Variants in LRRC7 observed in about 807,000 individuals in gnomAD.
LRRC7 encodes the protein leucine-rich repeat-containing protein 7.
Under a neutral mutation model 175.7 loss-of-function variants are expected in LRRC7, and 23 were observed. The observed-to-expected ratio is 0.13, with a 90% CI of 0.09 to 0.19. The LOEUF is 0.19. Among genes scored for constraint, LRRC7 ranks in the 10% least tolerant of loss-of-function variants. The probability of loss-of-function intolerance (pLI) is 1.00; values close to 1 mark genes in which losing one functional copy is unlikely to be tolerated. For synonymous variants in LRRC7, 685 were observed against 680.9 expected, an observed-to-expected ratio of 1.01 and a Z score of -0.09; for missense variants, 1,354 against 1,904.7, an observed-to-expected ratio of 0.71 and a Z score of 5.38.
In LRRC7 at chr1:70,050,476, GTGA is replaced by G. The variant is rs1249588572; in HGVS notation, c.4111-2545_4111-2543del. Among the ~76,000 whole-genome samples the G allele has an allele frequency of 7.2e-5, 11 of 152,118 alleles. No homozygotes were observed. In the East Asian group the frequency reaches 1.9e-3, roughly 27 times the overall value. ...TTAGAAGCTAAGGAAATAGTGCATT[GTGA>G]TGATTTTCTGTGTTATTATATTTAG... On this transcript the variant is annotated intron_variant, in intron 22 of 26. Coordinates refer to ENST00000651989, the MANE Select transcript of LRRC7 (RefSeq NM_001370785.2).
rs1571137042 is a variant in LRRC7 at position 70,039,499 on chromosome 1, A to G, written c.3675A>G (p.Gly1225=). Residue 1225 remains glycine, a synonymous_variant, in exon 21 of 27, where the codon GGA becomes GGG. Transcript: ENST00000651989. ...ATCAAGAAGTGAAAGCTCAGGCGGGAAGTTTTCCGGTTAAAAACCTTACCC... is the reference window on the plus strand; with the variant it reads ...ATCAAGAAGTGAAAGCTCAGGCGGGGAGTTTTCCGGTTAAAAACCTTACCC... ...PSYQEVKAQA[G]SFPVKNLTQR... is the part of the protein sequence containing the mutation. The G allele has an allele frequency of 6.2e-7, 1 of 1,614,150 alleles. No homozygotes were observed. Among genetic ancestry groups the G allele is most frequent in the African/African-American group, 1.3e-5 (1 of 75,040 alleles).
intron 2 of LRRC7, among the ~76,000 whole-genome samples, chr1:69,710,278 CAA>C (rs77553066): frequency 6.9e-5 from 6 of 87,208 alleles, no homozygotes; most frequent in African/African-American, 2.7e-4. Flanking sequence ...GACTCCGTCT[CAA>C]AAAAAAAAAA....
intron 3 of LRRC7, among the ~76,000 whole-genome samples, chr1:69,773,777 C>T (rs556402462): frequency 9.2e-5 from 14 of 152,282 alleles, no homozygotes; most frequent in Non-Finnish European, 1.8e-4. Context: ...CAAAACAACC[C>T]TGCCCAATAG....
At chr1:69,942,177 C>A (rs1648790450) in intron 8 of LRRC7, among the ~76,000 whole-genome samples, 1 of 152,022 alleles carries the variant, frequency 6.6e-6, no homozygotes, top group Non-Finnish European at 1.5e-5. Flanking sequence ...AAATGGCTAG[C>A]TAGCACAAGT....
intron 1 of LRRC7, among the ~76,000 whole-genome samples, chr1:69,627,312 C>T: frequency 6.6e-6 from 1 of 152,218 alleles, no homozygotes; most frequent in East Asian, 1.9e-4. Flanking sequence ...ATTTGCATTT[C>T]TCTGATGGCC....
At chr1:69,752,238 C>T (rs1161416854) in intron 2 of LRRC7, among the ~76,000 whole-genome samples, 1 of 152,122 alleles carries the variant, frequency 6.6e-6, no homozygotes, top group Non-Finnish European at 1.5e-5. Context: ...TGGCAGATTT[C>T]CATATCCCTG....
chr1:70,006,345 G>A (rs1463224295), intron 11 of LRRC7, among the ~76,000 whole-genome samples: 1 of 151,786 alleles, frequency 6.6e-6, no homozygotes, highest in Admixed American at 6.6e-5. Flanking sequence ...AATTGTGGGC[G>A]CCTGTATTCC....
chr1:69,797,728 A>C (rs1262475701), intron 4 of LRRC7, among the ~76,000 whole-genome samples: 1 of 152,136 alleles, frequency 6.6e-6, no homozygotes, highest in African/African-American at 2.4e-5. Flanking sequence ...TTCTCCACAA[A>C]ATAGCTTTAG....
At chr1:69,925,375 G>A (rs1388535909) in intron 7 of LRRC7, among the ~76,000 whole-genome samples, 1 of 152,138 alleles carries the variant, frequency 6.6e-6, no homozygotes, top group Non-Finnish European at 1.5e-5. Flanking sequence ...AGAAGGAATG[G>A]TACCAGTTCC....
At chr1:69,939,624 T>A (rs1648497281) in intron 8 of LRRC7, among the ~76,000 whole-genome samples, 1 of 152,092 alleles carries the variant, frequency 6.6e-6, no homozygotes, top group South Asian at 2.1e-4. Context: ...TACTGTTTAA[T>A]AACCAGCAAG....
intron 7 of LRRC7, among the ~76,000 whole-genome samples, chr1:69,882,812 G>A (rs1050677040): frequency 7.4e-6 from 1 of 135,432 alleles, no homozygotes; most frequent in Non-Finnish European, 1.5e-5. Flanking sequence ...CCCTTCCTGT[G>A]TCCATGTGAT....
chr1:69,939,017 ATATATATATATATCTATATATATC>A (rs1557910878), intron 8 of LRRC7, among the ~76,000 whole-genome samples: 4 of 108,318 alleles, frequency 3.7e-5, no homozygotes, highest in African/African-American at 1.3e-4. Context: ...ATATATATCT[ATATATATATATATCTATATATATC>A]TATATCTATC....
rs763457520 is a variant in LRRC7, at chr1:70,126,258, C to T, written c.*4371C>T. Among the ~76,000 whole-genome samples, 1 of 151,822 alleles carries T rather than the reference C, an allele frequency of 6.6e-6. No homozygotes were observed. Among genetic ancestry groups the T allele is most frequent in the South Asian group, 2.1e-4 (1 of 4,790 alleles). ...CATATTTGACTAATTTGTGATATGC[C>T]GACCAAACAGCAAGTTTATTGGCAC... On this transcript the variant is annotated 3_prime_UTR_variant, in exon 27 of 27. Transcript: ENST00000651989.
At chr1:69,661,507 A>C (rs2100533154) in intron 1 of LRRC7, among the ~76,000 whole-genome samples, 1 of 152,294 alleles carries the variant, frequency 6.6e-6, no homozygotes, top group Admixed American at 6.5e-5. Flanking sequence ...GTAACAGTTC[A>C]TTTATTTTAA....
chr1:69,931,672 A>G, intron 8 of LRRC7, 102 bp downstream of exon 8: 1 of 917,014 alleles, frequency 1.1e-6, no homozygotes, highest in South Asian at 1.5e-5. Context: ...GCACGTTTGC[A>G]TTTGCTAAAT....
Position 69,700,626 on chromosome 1 carries a change from G to A in LRRC7, c.100+22148G>A, listed in dbSNP as rs576908481. ...AATGCTAGCCCCAAAAGAAAATGAC[G>A]TAGGAGCTTAGAAACACACCCAGCT... On this transcript the variant is annotated intron_variant, in intron 2 of 26. Coordinates refer to ENST00000651989, the MANE Select transcript of LRRC7 (RefSeq NM_001370785.2). Among the ~76,000 whole-genome samples the A allele has an allele frequency of 1.1e-4, 17 of 152,258 alleles. No individual in the cohort carries two copies. In the East Asian group the frequency reaches 1.5e-3, roughly 14 times the overall value.
At chr1:69,747,183 G>T (rs765873822) in intron 2 of LRRC7, among the ~76,000 whole-genome samples, 3 of 152,162 alleles carry the variant, frequency 2.0e-5, no homozygotes, top group Non-Finnish European at 2.9e-5. Context: ...CTCAAAAAAT[G>T]AATGTTGGGA....
At chr1:69,952,997 CAAAAA>C (rs61277479) in intron 8 of LRRC7, among the ~76,000 whole-genome samples, 8,732 of 56,970 alleles carry the variant, frequency 0.15, 256 homozygotes, top group South Asian at 0.25. Context: ...AGAGACAAGG[CAAAAA>C]AAAAAAAAAA....
chr1:70,054,995 TTGA>T (rs1173622061), intron 23 of LRRC7, among the ~76,000 whole-genome samples: 6 of 152,198 alleles, frequency 3.9e-5, no homozygotes, highest in Non-Finnish European at 7.4e-5. Context: ...GATTTTTCTC[TTGA>T]TGACCACTTC....
Sources: gnomAD v4.1 joint callset for allele counts (sites outside exome capture counted in the v4.1 genomes callset) on GRCh38, gnomAD v4.1.1 for gene constraint, MANE v1.5 for transcripts, NCBI Gene and HGNC (gene_info 2026-07-23, HGNC 2026-07-21) for gene names.